Variants in PCNX2 observed in about 807,000 individuals in gnomAD.
PCNX2 encodes the protein pecanex 2.
A neutral mutation model predicts 223.8 loss-of-function variants in PCNX2; 168 were observed. The ratio of observed to expected loss-of-function variants is 0.75; its 90% CI spans 0.66 to 0.85. PCNX2 has a LOEUF of 0.85. Ranked by LOEUF, PCNX2 falls within the 40% of genes least tolerant of loss-of-function variation. PCNX2 has a pLI of 0.00. For synonymous variants in PCNX2, 1,006 were observed against 1,052.6 expected, an observed-to-expected ratio of 0.96 and a Z score of 0.86; for missense variants, 2,507 against 2,675.5, an observed-to-expected ratio of 0.94 and a Z score of 1.39.
chr1:233,323,491 G>T, the PCNX2 span, among the ~76,000 whole-genome samples: 1 of 152,198 alleles, frequency 6.6e-6, no homozygotes. Context: ...CAAGTCTCTT[G>T]GTGCCATCTT....
Position 233,161,342 on chromosome 1 carries a change from G to A in PCNX2, c.3295C>T (p.Leu1099Phe), listed in dbSNP as rs1558296452. Reference protein sequence around the residue: ...DSVTDVLKWDLIVCAVVAVLS... With the variant: ...DSVTDVLKWDFIVCAVVAVLS... The stretch of plus-strand genomic sequence containing the variant: ...ACAGCAACCACTGCGCAGACGATGA[G>A]ATCCCATTTTAAGACATCCGTCTGG... The change falls in exon 18 of 34, where the codon CTC (leucine) becomes TTC (phenylalanine). Residue 1099 changes from leucine to phenylalanine, a missense_variant. Coordinates refer to ENST00000258229, the MANE Select transcript of PCNX2 (RefSeq NM_014801.4). The A allele has an allele frequency of 5.6e-6, 9 of 1,613,848 alleles. No individual in the cohort carries two copies. The highest frequency in any genetic ancestry group is 3.3e-4 in the Middle Eastern group (2 of 6,058).
At chr1:233,278,569 G>A (rs1156909414) in intron 1 of PCNX2, among the ~76,000 whole-genome samples, 1 of 152,072 alleles carries the variant, frequency 6.6e-6, no homozygotes, top group African/African-American at 2.4e-5. Context: ...TGATGGGAAT[G>A]GGCATTTCTG....
chr1:233,112,840 C>T (rs1400399745), intron 21 of PCNX2: 55 of 1,278,066 alleles, frequency 4.3e-5, no homozygotes, highest in Admixed American at 1.2e-4. Context: ...AAAGCTGACT[C>T]TTACTTTGAA....
chr1:233,236,912 G>T lies in PCNX2; in HGVS notation c.2291C>A (p.Ala764Asp). 1 of 1,614,020 alleles carries T rather than the reference G, an allele frequency of 6.2e-7. No individual in the cohort carries two copies. The highest frequency in any genetic ancestry group is 1.7e-5 in the Admixed American group (1 of 60,018). ...CAGCTGTTGCTGAAGGGCACTGACG[G>T]CAGGGTCCCCAGAAGACGGATCTTG... ...ESQDPSSGDP[A>D]VSALQQQLLL... is the part of the protein sequence containing the mutation. Residue 764 changes from alanine (A) to aspartate (D), a missense_variant, in exon 9 of 34, where the codon GCC becomes GAC. By Grantham distance (126) the Ala-to-Asp change is moderately radical (BLOSUM62 -2). Transcript: ENST00000258229.
At chr1:233,309,904 A>G in the PCNX2 span, among the ~76,000 whole-genome samples, 3 of 152,120 alleles carry the variant, frequency 2.0e-5, no homozygotes. Context: ...TAAAAATAAT[A>G]AAAATTTTTG....
Position 233,131,677 on chromosome 1 carries a change from AT to A in PCNX2, c.3837+3335del, listed in dbSNP as rs1676513427. On this transcript the variant is annotated intron_variant, in intron 21 of 33. Coordinates refer to ENST00000258229, the MANE Select transcript of PCNX2 (RefSeq NM_014801.4). ...GAGGCAAGATGGGCCAGGATTCAGA[AT>A]CCCCAACTTTCCGACTTGCTGCCTA... 2.0e-5 allele frequency among the ~76,000 whole-genome samples: 3 copies of A among 152,190 alleles called. No individual in the cohort carries two copies. The South Asian group carries it at 6.2e-4, about 32-fold the overall frequency.
In PCNX2 at chr1:233,186,148, C is replaced by T. The variant is rs574952335; in HGVS notation, c.3067-6973G>A. Among the ~76,000 whole-genome samples the T allele has an allele frequency of 4.6e-5, 7 of 152,150 alleles. No individual in the cohort carries two copies. In the South Asian group the frequency reaches 8.3e-4, roughly 18 times the overall value. Reference sequence around the variant, plus strand: ...GATTATAAAGTGAATATCAACAGGCCGAATTCTTGCTTTGCTATGCCTTTC... The same window carrying T: ...GATTATAAAGTGAATATCAACAGGCTGAATTCTTGCTTTGCTATGCCTTTC... On this transcript the variant is annotated intron_variant, in intron 15 of 33. Coordinates refer to ENST00000258229, the MANE Select transcript of PCNX2 (RefSeq NM_014801.4).
chr1:233,151,887 G>A (rs770133222), intron 19 of PCNX2, among the ~76,000 whole-genome samples: 2 of 152,098 alleles, frequency 1.3e-5, no homozygotes, highest in African/African-American at 4.8e-5. Context: ...GAGCCACTGC[G>A]CCCAGCCTTT....
In PCNX2 at chr1:233,258,960, C is replaced by T; in HGVS notation, c.902G>A (p.Ser301Asn). 2 of 1,613,922 alleles carry T rather than the reference C, an allele frequency of 1.2e-6. No homozygotes were observed. The highest frequency in any genetic ancestry group is 8.5e-7 in the Non-Finnish European group (1 of 1,179,878). The change falls in exon 5 of 34, where the codon AGC (serine) becomes AAC (asparagine). Residue 301 changes from serine to asparagine, a missense_variant. Transcript: ENST00000258229. ...GCTCAGGCTGTCCTGAGGTGACTTG[C>T]TTTGTACCCGTTCCCTTATGGAGCC... Reference protein sequence around the residue: ...PRGSIRERVQSKSPQDSLSSS... With the variant: ...PRGSIRERVQNKSPQDSLSSS...
At chr1:233,071,014 C>A (rs61118389) in intron 23 of PCNX2, among the ~76,000 whole-genome samples, 4 of 151,930 alleles carry the variant, frequency 2.6e-5, no homozygotes, top group Admixed American at 2.6e-4. Flanking sequence ...CCAGCCTGGG[C>A]GACAGAGCAA....
intron 8 of PCNX2, among the ~76,000 whole-genome samples, chr1:233,247,696 G>T (rs1317392326): frequency 6.6e-6 from 1 of 152,024 alleles, no homozygotes; most frequent in Non-Finnish European, 1.5e-5. Flanking sequence ...TGGCCAACAT[G>T]GTGAAACCCT....
intron 1 of PCNX2, chr1:233,290,956 G>C (rs1193443422): frequency 1.0e-6 from 1 of 985,304 alleles, no homozygotes; most frequent in Non-Finnish European, 1.2e-6. Flanking sequence ...GGATGTGAAA[G>C]TTCCAACCCA....
chr1:233,258,672 C>T lies in PCNX2; in HGVS notation c.1190G>A (p.Arg397Lys), dbSNP rs773686572. Residue 397 changes from arginine (R) to lysine (K), a missense_variant, in exon 5 of 34, where the codon AGG becomes AAG. Physicochemically the swap from Arg to Lys is conservative, Grantham distance 26. Coordinates refer to ENST00000258229, the MANE Select transcript of PCNX2 (RefSeq NM_014801.4). Reference protein sequence around the residue: ...MTDLESSLHLRVVGTEKTSVK... With the variant: ...MTDLESSLHLKVVGTEKTSVK... ...ACTGGTCTTCTCTGTGCCAACCACC[C>T]TCAGGTGGAGGGAGCTTTCCAAATC... The T allele has an allele frequency of 2.5e-6, 4 of 1,613,880 alleles. No homozygotes were observed. Among genetic ancestry groups the T allele is most frequent in the Non-Finnish European group, 3.4e-6 (4 of 1,179,898 alleles).
intron 19 of PCNX2, among the ~76,000 whole-genome samples, chr1:233,148,048 C>T (rs16858735): frequency 0.017 from 2,527 of 152,254 alleles, 68 homozygotes; most frequent in African/African-American, 0.057. Context: ...TTACTGCCCA[C>T]GGTACTTCAA....
intron 19 of PCNX2, among the ~76,000 whole-genome samples, chr1:233,151,956 G>A (rs1378660389): frequency 6.6e-6 from 1 of 152,216 alleles, no homozygotes; most frequent in Non-Finnish European, 1.5e-5. Context: ...TCTCTCTGCT[G>A]CAAGCAGAGG....
Position 232,984,015 on chromosome 1 carries a change from A to C in PCNX2, c.*289T>G. 6.6e-5 allele frequency: 18 copies of C among 274,134 alleles called. No homozygotes were observed. Among genetic ancestry groups the C allele is most frequent in the East Asian group, 2.8e-4 (4 of 14,198 alleles). The allele number at this position is 274,134 out of a possible 1,614,324, so 17.0% of individuals were successfully genotyped here. Reference sequence around the variant, plus strand: ...CTGTCCGCGGTGTGCCGCTCTGGGCAGCGCTGTGCCTGGCCAGGGAGGTGT... The same window carrying C: ...CTGTCCGCGGTGTGCCGCTCTGGGCCGCGCTGTGCCTGGCCAGGGAGGTGT... On this transcript the variant is annotated 3_prime_UTR_variant, in exon 34 of 34. Coordinates refer to ENST00000258229, the MANE Select transcript of PCNX2 (RefSeq NM_014801.4).
At chr1:233,040,535 G>C (rs1029984190) in intron 25 of PCNX2, among the ~76,000 whole-genome samples, 1 of 152,124 alleles carries the variant, frequency 6.6e-6, no homozygotes, top group Non-Finnish European at 1.5e-5. Flanking sequence ...CACTTGGTCA[G>C]CACTGGAAAA....
the PCNX2 span, among the ~76,000 whole-genome samples, chr1:233,303,306 G>C: frequency 0.011 from 1,633 of 152,296 alleles, 17 homozygotes; most frequent in Non-Finnish European, 0.017. Context: ...TTGAGCTCAG[G>C]AGTTTGAGAC....
In PCNX2 at chr1:233,252,421, A is replaced by G. The variant is rs1454918746; in HGVS notation, c.2061T>C (p.Ser687=). The change falls in exon 7 of 34, where the codon AGT becomes AGC. Residue 687 remains serine (S), a synonymous_variant. Coordinates refer to ENST00000258229, the MANE Select transcript of PCNX2 (RefSeq NM_014801.4). The part of the protein sequence containing the change: ...QQDSSVLQVI[S]GPETSVQEEI... ...CTTCTTGTACAGATGTTTCAGGCCC[A>G]CTGATGACTTGCAAGACAGAACTAT... is the stretch of plus-strand genomic sequence containing the variant. The G allele has an allele frequency of 1.2e-6, 2 of 1,613,762 alleles. No homozygotes were observed. The highest frequency in any genetic ancestry group is 1.7e-5 in the Admixed American group (1 of 60,006).
Sources: gnomAD v4.1 joint callset for allele counts (sites outside exome capture counted in the v4.1 genomes callset) on GRCh38, gnomAD v4.1.1 for gene constraint, MANE v1.5 for transcripts, NCBI Gene and HGNC (gene_info 2026-07-23, HGNC 2026-07-21) for gene names.